The following HOOK3 variants were observed in gnomAD, a reference collection of about 807,000 sequenced individuals.
The protein encoded by HOOK3 is hook microtubule tethering protein 3.
Under a neutral mutation model 116.3 loss-of-function variants are expected in HOOK3, and 24 were observed. The ratio of observed to expected loss-of-function variants is 0.21; its 90% confidence interval spans 0.15 to 0.29. The LOEUF is 0.29. Among genes scored for constraint, HOOK3 ranks in the 10% least tolerant of loss-of-function variants. HOOK3 has a pLI of 1.00. For synonymous variants in HOOK3, 275 were observed against 283.0 expected (o/e 0.97, Z 0.28); for missense variants, 632 against 830.2 (o/e 0.76, Z 2.93).
In HOOK3 at chr8:43,029,590, G is replaced by C. The variant is rs966192539; in HGVS notation, c.*11092G>C. On this transcript the variant is annotated 3_prime_UTR_variant, in exon 22 of 22. Coordinates refer to ENST00000307602, the MANE Select transcript of HOOK3 (RefSeq NM_032410.4). ...AGAAAATAATTTCTAGGCTTATCTT[G>C]TTTTGCAGTTTTCATGTTTTGACAA... 1 of 191,744 alleles carries C rather than the reference G, an allele frequency of 5.2e-6. No homozygotes were observed. The highest frequency in any genetic ancestry group is 1.9e-4 in the South Asian group (1 of 5,186). The allele number at this position is 191,744 out of a possible 1,614,324, so 11.9% of individuals were successfully genotyped here. A position where few individuals can be genotyped will look rare whatever the true frequency, so the allele number is the denominator to read the frequency against.
chr8:42,973,901 C>T (rs1328931324), intron 12 of HOOK3, among the ~76,000 whole-genome samples: 4 of 152,068 alleles, frequency 2.6e-5, no homozygotes, highest in African/African-American at 9.7e-5. Flanking sequence ...AGCATATTGC[C>T]CTGCACATAG....
At chr8:42,948,662 A>G (rs1808282032) in intron 5 of HOOK3, among the ~76,000 whole-genome samples, 1 of 152,056 alleles carries the variant, frequency 6.6e-6, no homozygotes, top group South Asian at 2.1e-4. Flanking sequence ...TAGTCATCCT[A>G]CCTATGCTGG....
intron 10 of HOOK3, among the ~76,000 whole-genome samples, chr8:42,967,225 C>T (rs571102643): frequency 4.4e-4 from 67 of 152,180 alleles, no homozygotes; most frequent in African/African-American, 1.6e-3. Context: ...TTGTCTCACT[C>T]ATAGCCATTC....
chr8:43,017,123 A>G (rs2130495609), intron 21 of HOOK3, among the ~76,000 whole-genome samples: 1 of 152,290 alleles, frequency 6.6e-6, no homozygotes, highest in Non-Finnish European at 1.5e-5. Context: ...TGCATCCCGT[A>G]GTTTGGCTTT....
intron 2 of HOOK3, among the ~76,000 whole-genome samples, chr8:42,916,803 A>G (rs1807542415): frequency 6.6e-6 from 1 of 152,206 alleles, no homozygotes; most frequent in South Asian, 2.1e-4. Context: ...ACCTTTAAAT[A>G]CAAACCTGCA....
chr8:43,010,207 AT>A, intron 18 of HOOK3, 97 bp from the exon 19 acceptor site: 1 of 221,650 alleles, frequency 4.5e-6, no homozygotes. Context: ...CAATTAAAAT[AT>A]TTTTAAAATT....
At chr8:43,003,597 T>C (rs548012510) in intron 17 of HOOK3, among the ~76,000 whole-genome samples, 3 of 152,352 alleles carry the variant, frequency 2.0e-5, no homozygotes, top group South Asian at 2.1e-4. Flanking sequence ...TTAGTTCTTA[T>C]AGCTACCATG....
At chr8:42,904,687 A>G (rs1586583834) in intron 1 of HOOK3, among the ~76,000 whole-genome samples, 1 of 152,286 alleles carries the variant, frequency 6.6e-6, no homozygotes, top group Non-Finnish European at 1.5e-5. Flanking sequence ...TATTCATAGA[A>G]TAAGGTCCTA....
In HOOK3 at chr8:42,939,658, C is replaced by T. The variant is rs538054746; in HGVS notation, c.268-3655C>T. Among the ~76,000 whole-genome samples the T allele has an allele frequency of 2.1e-4, 32 of 151,206 alleles. No individual in the cohort carries two copies. In the East Asian group the frequency reaches 2.9e-3, roughly 14 times the overall value. The stretch of plus-strand genomic sequence containing the variant: ...CCTCCCTCCCGGACGGGGTGGCTGC[C>T]GGGCAGAGACGCTCCTCACTCCCCA... On this transcript the variant is annotated intron_variant, in intron 4 of 21. Transcript: ENST00000307602.
chr8:42,930,160 T>C lies in HOOK3; in HGVS notation c.255T>C (p.Asp85=). The change falls in exon 4 of 22, where the codon GAT becomes GAC. Residue 85 remains aspartate (D), a synonymous_variant. Coordinates refer to ENST00000307602, the MANE Select transcript of HOOK3 (RefSeq NM_032410.4). ...NLKKILKGIL[D]YNHEILGQQI... ...AGAAAATTTTAAAAGGAATCTTGGA[T>C]TATAATCATGAGGTAAAGACTTTTT... The C allele has an allele frequency of 6.4e-7, 1 of 1,550,442 alleles. No homozygotes were observed. The highest frequency in any genetic ancestry group is 8.7e-7 in the Non-Finnish European group (1 of 1,145,276).
chr8:42,942,323 A>G (rs973338024), intron 4 of HOOK3, among the ~76,000 whole-genome samples: 1 of 152,240 alleles, frequency 6.6e-6, no homozygotes, highest in Non-Finnish European at 1.5e-5. Context: ...TTTTCATTGT[A>G]GAATAAATGT....
intron 12 of HOOK3, among the ~76,000 whole-genome samples, chr8:42,973,718 G>T (rs138847104): frequency 4.2e-4 from 64 of 152,128 alleles, no homozygotes; most frequent in African/African-American, 1.5e-3. Context: ...ATTAATAGAG[G>T]ACTTTTTGTT....
intron 6 of HOOK3, among the ~76,000 whole-genome samples, chr8:42,953,129 G>A (rs982651333): frequency 7.2e-5 from 11 of 151,762 alleles, no homozygotes; most frequent in African/African-American, 2.7e-4. Context: ...ATTCTAGATA[G>A]TCATGGACCC....
intron 2 of HOOK3, among the ~76,000 whole-genome samples, chr8:42,907,932 A>G (rs530646418): frequency 2.0e-5 from 3 of 152,148 alleles, no homozygotes; most frequent in African/African-American, 7.2e-5. Flanking sequence ...CAAAGACTCC[A>G]GAAAAAAACT....
Position 43,022,366 on chromosome 8 carries a change from T to G in HOOK3, c.*3868T>G. ...CATACAGCACCTTCCTGGGGCCACG[T>G]TGGCTTGTGCAGTGGAGCTTGTCCA... On this transcript the variant is annotated 3_prime_UTR_variant, in exon 22 of 22. Coordinates refer to ENST00000307602, the MANE Select transcript of HOOK3 (RefSeq NM_032410.4). The G allele has an allele frequency of 9.7e-6, 2 of 205,508 alleles. No individual in the cohort carries two copies. Among genetic ancestry groups the G allele is most frequent in the Non-Finnish European group, 2.0e-5 (2 of 100,440 alleles). The allele number at this position is 205,508 out of a possible 1,614,324, so 12.7% of individuals were successfully genotyped here.
Position 43,013,364 on chromosome 8 carries a change from G to A in HOOK3, c.1980G>A (p.Met660Ile). ...AGAAAACAAAGAGTCAGAGAGAGAT[G>A]GAAGAGAAATATATTGTTAGTGCCT... Reference protein sequence around the residue: ...EYEKTKSQREMEEKYIVSAWY... With the variant: ...EYEKTKSQREIEEKYIVSAWY... The change falls in exon 21 of 22, where the codon ATG becomes ATA. Residue 660 changes from methionine (M) to isoleucine (I), a missense_variant. Physicochemically the swap from Met to Ile is conservative, Grantham distance 10. Around this residue, in one of 3 missense-constraint regions of HOOK3, gnomAD observed 483 missense variants for 648.1 expected, o/e 0.75. Transcript: ENST00000307602. 1 of 1,580,652 alleles carries A rather than the reference G, an allele frequency of 6.3e-7. No homozygotes were observed. The highest frequency in any genetic ancestry group is 8.6e-7 in the Non-Finnish European group (1 of 1,167,564).
In HOOK3 at chr8:43,021,794, G is replaced by A. The variant is rs1023465608; in HGVS notation, c.*3296G>A. 4 of 156,378 alleles carry A rather than the reference G, an allele frequency of 2.6e-5. No individual in the cohort carries two copies. The highest frequency in any genetic ancestry group is 9.7e-5 in the African/African-American group (4 of 41,152). 9.7% of individuals were successfully genotyped at this position (156,378 alleles called of 1,614,324 possible). A position where few individuals can be genotyped will look rare whatever the true frequency, so the allele number is the denominator to read the frequency against. ...CGCCATTCTCCTGCCTCAGCCTCCT[G>A]AGTAGCGGGGACTACAGGCGCCCGC... is the stretch of plus-strand genomic sequence containing the variant. On this transcript the variant is annotated 3_prime_UTR_variant, in exon 22 of 22. Coordinates refer to ENST00000307602, the MANE Select transcript of HOOK3 (RefSeq NM_032410.4).
Position 43,021,059 on chromosome 8 carries a change from G to A in HOOK3, c.*2561G>A, listed in dbSNP as rs533996665. On this transcript the variant is annotated 3_prime_UTR_variant, in exon 22 of 22. Coordinates refer to ENST00000307602, the MANE Select transcript of HOOK3 (RefSeq NM_032410.4). ...AGAGATTGCAGTGAGCCGAGATGGCGCCATTGCACCCCAGCCTGGCGACAA... is the reference window on the plus strand; with the variant it reads ...AGAGATTGCAGTGAGCCGAGATGGCACCATTGCACCCCAGCCTGGCGACAA... 4.5e-4 allele frequency: 61 copies of A among 136,360 alleles called. 1 individual carries two copies. In the East Asian group the frequency reaches 0.01, roughly 23 times the overall value. 8.4% of individuals were successfully genotyped at this position (136,360 alleles called of 1,614,324 possible). A position where few individuals can be genotyped will look rare whatever the true frequency, so the allele number is the denominator to read the frequency against.
intron 2 of HOOK3, among the ~76,000 whole-genome samples, chr8:42,912,123 A>G (rs1025231722): frequency 7.2e-5 from 11 of 152,194 alleles, no homozygotes; most frequent in African/African-American, 2.7e-4. Context: ...GTAGGAGGAA[A>G]GCCAGGTGAG....
Sources: allele counts gnomAD v4.1 joint callset (sites outside exome capture counted in the v4.1 genomes callset), GRCh38; gene constraint gnomAD v4.1.1; regional missense constraint gnomAD v4.1.1; transcripts MANE v1.5; gene names NCBI Gene and HGNC (gene_info 2026-07-23, HGNC 2026-07-21).